BRI3: variants seen among roughly 807,000 people sequenced by gnomAD.
BRI3 encodes membrane protein BRI3.
Under a neutral mutation model 12.8 loss-of-function variants are expected in BRI3, and 6 were observed. That is an observed-to-expected ratio of 0.47 (90% CI 0.26 to 0.93). BRI3 has a LOEUF of 0.93. BRI3 is among the 40% of genes least tolerant of loss of function. BRI3 has a pLI of 0.15. For missense variants in BRI3, 134 were observed against 171.1 expected, an observed-to-expected ratio of 0.78 and a Z score of 1.21; for synonymous variants, 91 against 76.1, an observed-to-expected ratio of 1.20 and a Z score of -1.02.
Position 98,291,508 on chromosome 7 carries a change from ATG to A in BRI3, c.*266_*267del, listed in dbSNP as rs1022858224. On this transcript the variant is annotated 3_prime_UTR_variant, in exon 3 of 3. Transcript: ENST00000297290. ...AGGTGAGAAATAATGTTTTCAATAAATGAGATTCATACCATTGTTGACCTGGT... is the reference window on the plus strand; with the variant it reads ...AGGTGAGAAATAATGTTTTCAATAAAAGATTCATACCATTGTTGACCTGGT... The A allele has an allele frequency of 7.9e-7, 1 of 1,265,044 alleles. No individual in the cohort carries two copies. The highest frequency in any genetic ancestry group is 1.5e-5 in the African/African-American group (1 of 65,458). 78.4% of individuals were successfully genotyped at this position (1,265,044 alleles called of 1,614,324 possible). A position where few individuals can be genotyped will look rare whatever the true frequency, so the allele number is the denominator to read the frequency against.
In BRI3 at chr7:98,281,863, A is replaced by G; in HGVS notation, c.68A>G (p.Tyr23Cys). ...AYNLEAGQGD[Y>C]ACGPHGYGAI... ...AACCTGGAGGCCGGCCAGGGCGACTACGCGTGCGGCCCGCACGGCTACGGC... is the reference window on the plus strand; with the variant it reads ...AACCTGGAGGCCGGCCAGGGCGACTGCGCGTGCGGCCCGCACGGCTACGGC... The change falls in exon 1 of 3, where the codon TAC becomes TGC. Residue 23 changes from tyrosine (Y) to cysteine (C), a missense_variant. Tyr to Cys is a radical substitution (Grantham distance 194). Coordinates refer to ENST00000297290, the MANE Select transcript of BRI3 (RefSeq NM_015379.5). 7.7e-7 allele frequency: 1 copy of G among 1,305,294 alleles called. No homozygotes were observed. The highest frequency in any genetic ancestry group is 2.9e-4 in the Middle Eastern group (1 of 3,470). The allele number at this position is 1,305,294 out of a possible 1,614,324, so 80.9% of individuals were successfully genotyped here. A position where few individuals can be genotyped will look rare whatever the true frequency, so the allele number is the denominator to read the frequency against.
At chr7:98,317,822 G>A in the BRI3 span, among the ~76,000 whole-genome samples, 2 of 150,222 alleles carry the variant, frequency 1.3e-5, no homozygotes, top group African/African-American at 4.9e-5. Context: ...ACGCTGGCTG[G>A]GACTGTCACC....
At chr7:98,284,464 C>T (rs1799643093) in intron 2 of BRI3, among the ~76,000 whole-genome samples, 1 of 152,178 alleles carries the variant, frequency 6.6e-6, no homozygotes, top group Non-Finnish European at 1.5e-5. Context: ...TGTGTGGTCC[C>T]TGGGCCACTC....
intron 2 of BRI3, among the ~76,000 whole-genome samples, chr7:98,288,033 T>G (rs1799769736): frequency 6.6e-6 from 1 of 152,176 alleles, no homozygotes; most frequent in Admixed American, 6.5e-5. Context: ...CCGGTGACAC[T>G]GGGGACCACT....
At chr7:98,317,245 G>A in the BRI3 span, 2 of 1,614,246 alleles carry the variant, frequency 1.2e-6, no homozygotes, top group Non-Finnish European at 1.7e-6. Flanking sequence ...TCATATTTGA[G>A]TGCGTTTCGG....
upstream of BRI3, chr7:98,304,397 A>G (rs115181726): frequency 1.9e-4 from 313 of 1,612,528 alleles, no homozygotes; most frequent in African/African-American, 3.6e-3. Context: ...AAAAGGACAC[A>G]GCACGTGTTA....
the BRI3 span, among the ~76,000 whole-genome samples, chr7:98,318,107 A>C: frequency 1.6e-4 from 24 of 152,046 alleles, no homozygotes; most frequent in African/African-American, 5.8e-4. Flanking sequence ...CACTGGTTAG[A>C]GCCCTCACCC....
downstream of BRI3, chr7:98,294,232 A>G: frequency 1.0e-6 from 1 of 1,001,562 alleles, no homozygotes; most frequent in South Asian, 1.5e-5. Context: ...AGCTCACGTG[A>G]TCCTTCCACC....
chr7:98,288,351 G>A (rs1799781599), intron 2 of BRI3, among the ~76,000 whole-genome samples: 1 of 152,108 alleles, frequency 6.6e-6, no homozygotes, highest in South Asian at 2.1e-4. Flanking sequence ...AGAAGGTCCT[G>A]GAGCCAGGCA....
At chr7:98,319,997 C>G in the BRI3 span, 2 of 1,378,322 alleles carry the variant, frequency 1.5e-6, no homozygotes, top group East Asian at 4.6e-5. Context: ...GGAACGAGTT[C>G]TCCCCAGGCT....
intron 1 of BRI3, among the ~76,000 whole-genome samples, chr7:98,298,266 C>T (rs938997005): frequency 2.6e-5 from 4 of 152,100 alleles, no homozygotes; most frequent in East Asian, 1.9e-4. Context: ...CAGTGTCACA[C>T]GACCTGTAAC....
chr7:98,303,093 A>C (rs1043373455), upstream of BRI3, among the ~76,000 whole-genome samples: 1 of 152,218 alleles, frequency 6.6e-6, no homozygotes, highest in Non-Finnish European at 1.5e-5. Context: ...GGCTTCAAAG[A>C]CATTTTGAAT....
At chr7:98,292,776 C>T, downstream of BRI3, 3 of 1,547,782 alleles carry the variant, frequency 1.9e-6, no homozygotes, top group Non-Finnish European at 2.6e-6. Flanking sequence ...AGTGAGAACA[C>T]AAGGAGCCGT....
chr7:98,283,564 C>T (rs1446276304), intron 2 of BRI3, among the ~76,000 whole-genome samples: 2 of 152,142 alleles, frequency 1.3e-5, no homozygotes. Context: ...CGCTGGCTGC[C>T]TTCGGGACAT....
chr7:98,319,683 A>G, the BRI3 span, among the ~76,000 whole-genome samples: 1 of 151,474 alleles, frequency 6.6e-6, no homozygotes, highest in Non-Finnish European at 1.5e-5. Context: ...AGTAGCTGGG[A>G]TGACAGGCAT....
exon 2 of BRI3, chr7:98,310,376 T>C: frequency 6.6e-7 from 1 of 1,510,084 alleles, no homozygotes; most frequent in South Asian, 1.2e-5. Context: ...ATACAAAATA[T>C]TTATTTCACA....
the BRI3 span, chr7:98,323,299 A>G: frequency 6.6e-6 from 1 of 152,188 alleles, no homozygotes; most frequent in Admixed American, 6.5e-5. Context: ...TTAAACCCAC[A>G]AACAATTCCT....
At chr7:98,314,174 G>C (rs1370474838), downstream of BRI3, among the ~76,000 whole-genome samples, 5 of 151,492 alleles carry the variant, frequency 3.3e-5, no homozygotes, top group Admixed American at 1.3e-4. Flanking sequence ...GTAGAGACAG[G>C]GTTTCACCAT....
At chr7:98,303,661 G>A (rs745434878), upstream of BRI3, among the ~76,000 whole-genome samples, 6 of 152,172 alleles carry the variant, frequency 3.9e-5, no homozygotes, top group Admixed American at 1.3e-4. Context: ...AACTGGTTCC[G>A]GGAGCCCAGG....
Sources: allele counts gnomAD v4.1 joint callset (sites outside exome capture counted in the v4.1 genomes callset), GRCh38; gene constraint gnomAD v4.1.1; transcripts MANE v1.5; gene names NCBI Gene and HGNC (gene_info 2026-07-23, HGNC 2026-07-21).